Variants in XPA observed in about 807,000 individuals in gnomAD.
XPA encodes the protein XPA, DNA damage recognition and repair factor.
A neutral mutation model predicts 35.7 loss-of-function variants in XPA; 27 were observed. That is an observed-to-expected ratio of 0.76 (90% CI 0.56 to 1.04). XPA has a LOEUF of 1.04. Ranked by LOEUF, XPA falls within the 50% of genes least tolerant of loss-of-function variation. The pLI, the probability that XPA is intolerant of heterozygous loss-of-function variation, is 0.00. For synonymous variants in XPA, 133 were observed against 118.4 expected, an observed-to-expected ratio of 1.12 and a Z score of -0.80; for missense variants, 354 against 342.7, an observed-to-expected ratio of 1.03 and a Z score of -0.26.
chr9:97,662,567 A>G, the XPA span, among the ~76,000 whole-genome samples: 31 of 152,324 alleles, frequency 2.0e-4, no homozygotes, highest in East Asian at 5.6e-3. Context: ...GAAAGAGCAC[A>G]TAGATTTTCC....
At chr9:97,682,357 C>T (rs1468101198) in intron 5 of XPA, 2 of 518,896 alleles carry the variant, frequency 3.9e-6, no homozygotes. Flanking sequence ...CAGTAAGCTC[C>T]TTGTGTCTAA....
the XPA span, among the ~76,000 whole-genome samples, chr9:97,663,412 A>G: frequency 1.7e-4 from 26 of 152,338 alleles, no homozygotes; most frequent in East Asian, 4.8e-3. Context: ...TGTAATGATA[A>G]AACATTGTTT....
chr9:97,675,690 A>G (rs1263873509), intron 5 of XPA, 103 bp from the exon 6 acceptor site: 2 of 1,353,530 alleles, frequency 1.5e-6, no homozygotes, highest in Non-Finnish European at 1.0e-6. Flanking sequence ...GTGTGTGTCT[A>G]TGTGTATTTA....
At position 97,693,719 on chromosome 9, in the gene XPA, T is replaced by C. The variant is rs1384131317; in HGVS notation, c.213A>G (p.Thr71=). The C allele has an allele frequency of 2.5e-6, 4 of 1,613,376 alleles. No homozygotes were observed. Among genetic ancestry groups the C allele is most frequent in the Non-Finnish European group, 2.5e-6 (3 of 1,179,936 alleles). ...NVKAAPKIID[T]GGGFILEEEE... ...CCTCTTCTAAAATGAAGCCTCCTCC[T>C]GTGTCAATTATCTTTGGGGCTGCTT... Residue 71 remains threonine (T), a synonymous_variant, in exon 2 of 6, where the codon ACA becomes ACG. Transcript: ENST00000375128.
In XPA at chr9:97,674,927, A is replaced by G. The variant is rs976832308; in HGVS notation, c.*512T>C. On this transcript the variant is annotated 3_prime_UTR_variant, in exon 6 of 6. Coordinates refer to ENST00000375128, the MANE Select transcript of XPA (RefSeq NM_000380.4). ...AACATGATCAGACTCGTACAACTCA[A>G]TGTTTATTTCTGCTATTAGGGCTTT... 4 of 512,124 alleles carry G rather than the reference A, an allele frequency of 7.8e-6. No homozygotes were observed. The highest frequency in any genetic ancestry group is 1.5e-5 in the South Asian group (1 of 64,962). The allele number at this position is 512,124 out of a possible 1,614,324, so 31.7% of individuals were successfully genotyped here.
the XPA span, chr9:97,664,299 A>ATG: frequency 5.7e-6 from 7 of 1,233,108 alleles, no homozygotes; most frequent in Admixed American, 3.5e-5. Flanking sequence ...ATGTGTGTGT[A>ATG]TGTGTGTGTG....
downstream of XPA, chr9:97,672,024 G>C (rs1251415962): frequency 1.3e-5 from 2 of 152,090 alleles, no homozygotes; most frequent in Non-Finnish European, 2.9e-5. Context: ...ATGTAGAAGT[G>C]GTCAGATTGA....
chr9:97,691,915 ATG>A (rs1311199449), intron 2 of XPA, among the ~76,000 whole-genome samples: 2 of 142,262 alleles, frequency 1.4e-5, no homozygotes, highest in African/African-American at 5.1e-5. Context: ...ATATATATAT[ATG>A]TAAATAAATA....
the XPA span, chr9:97,662,823 AT>A: frequency 6.1e-6 from 4 of 652,404 alleles, no homozygotes; most frequent in Non-Finnish European, 1.0e-5. Context: ...TGCATCCTTA[AT>A]GGTTAATACT....
the XPA span, chr9:97,655,091 C>T: frequency 3.6e-6 from 2 of 554,822 alleles, no homozygotes; most frequent in African/African-American, 3.9e-5. Context: ...TAACCAGACT[C>T]ATACTTAATG....
At chr9:97,689,885 C>T (rs1193880816) in intron 2 of XPA, among the ~76,000 whole-genome samples, 5 of 152,160 alleles carry the variant, frequency 3.3e-5, no homozygotes, top group African/African-American at 1.2e-4. Flanking sequence ...GTACAAGGTA[C>T]TTGTATTAGT....
intron 4 of XPA, among the ~76,000 whole-genome samples, 177 bp from the exon 5 acceptor site, chr9:97,685,217 CATCT>C (rs1043422686): frequency 2.6e-4 from 40 of 152,140 alleles, no homozygotes; most frequent in African/African-American, 7.2e-4. Flanking sequence ...TCTAATAAAA[CATCT>C]ATCTAAACCT....
the XPA span, among the ~76,000 whole-genome samples, chr9:97,665,772 C>G: frequency 6.7e-6 from 1 of 148,898 alleles, no homozygotes; most frequent in African/African-American, 2.5e-5. Flanking sequence ...CCACCCCACA[C>G]AGTCAAAAAT....
chr9:97,660,385 A>G, the XPA span, among the ~76,000 whole-genome samples: 1 of 152,334 alleles, frequency 6.6e-6, no homozygotes, highest in Non-Finnish European at 1.5e-5. Context: ...ACCAATAGTA[A>G]ATACAAGGAG....
At chr9:97,688,684 G>A (rs1378742311) in intron 3 of XPA, among the ~76,000 whole-genome samples, 1 of 152,152 alleles carries the variant, frequency 6.6e-6, no homozygotes, top group Non-Finnish European at 1.5e-5. Flanking sequence ...TCCAGCTGTG[G>A]TGCCAGAGCA....
the XPA span, chr9:97,669,779 G>A: frequency 4.2e-4 from 469 of 1,123,584 alleles, 7 homozygotes; most frequent in South Asian, 5.4e-3. Flanking sequence ...AAAAATCCTT[G>A]TCAAATTTGT....
At chr9:97,665,573 C>T in the XPA span, among the ~76,000 whole-genome samples, 1 of 152,178 alleles carries the variant, frequency 6.6e-6, no homozygotes, top group African/African-American at 2.4e-5. Flanking sequence ...CTATAGTCCA[C>T]CCCCTCCAGA....
chr9:97,660,512 A>T, the XPA span, among the ~76,000 whole-genome samples: 1 of 152,202 alleles, frequency 6.6e-6, no homozygotes, highest in Non-Finnish European at 1.5e-5. Context: ...TGAGACTCAG[A>T]CTTCATTTCC....
At chr9:97,656,500 A>G in the XPA span, among the ~76,000 whole-genome samples, 1 of 152,198 alleles carries the variant, frequency 6.6e-6, no homozygotes, top group African/African-American at 2.4e-5. Context: ...CCTTTGAGCC[A>G]AGATGGCGCC....
Sources: gnomAD v4.1 joint callset for allele counts (sites outside exome capture counted in the v4.1 genomes callset) on GRCh38, gnomAD v4.1.1 for gene constraint, MANE v1.5 for transcripts, NCBI Gene and HGNC (gene_info 2026-07-23, HGNC 2026-07-21) for gene names.